The following GAB4 variants were observed in gnomAD, a reference collection of about 807,000 sequenced individuals.
GAB4 encodes GRB2 associated binding protein family member 4, also known as GRB2-associated-binding protein 4.
A neutral mutation model predicts 51.3 loss-of-function variants in GAB4; 26 were observed. The observed-to-expected ratio is 0.51, with a 90% CI of 0.37 to 0.70. GAB4 has a LOEUF of 0.70. GAB4 is among the 30% of genes least tolerant of loss of function. GAB4 has a pLI of 0.00. For missense variants in GAB4, 759 were observed against 734.6 expected, an observed-to-expected ratio of 1.03 and a Z score of -0.38; for synonymous variants, 329 against 291.2, an observed-to-expected ratio of 1.13 and a Z score of -1.32.
intron 3 of GAB4, among the ~76,000 whole-genome samples, chr22:16,981,766 T>G (rs2060829182): frequency 1.3e-5 from 2 of 152,086 alleles, no homozygotes; most frequent in South Asian, 2.1e-4. Context: ...ACTCATCCTA[T>G]GAAGCACTAT....
At chr22:17,004,119 C>T (rs1244212288) in intron 1 of GAB4, among the ~76,000 whole-genome samples, 1 of 152,086 alleles carries the variant, frequency 6.6e-6, no homozygotes, top group East Asian at 1.9e-4. Flanking sequence ...CAAGACTAAA[C>T]CAGGAAGAAG....
At chr22:16,979,331 G>T (rs1283722329) in intron 3 of GAB4, among the ~76,000 whole-genome samples, 1 of 152,194 alleles carries the variant, frequency 6.6e-6, no homozygotes. Context: ...CTTCAGTGAA[G>T]TCTCAGAATA....
chr22:17,004,355 C>A (rs1267332514), intron 1 of GAB4, among the ~76,000 whole-genome samples: 1 of 152,070 alleles, frequency 6.6e-6, no homozygotes, highest in Non-Finnish European at 1.5e-5. Context: ...TGATACAAAA[C>A]CCTAGCAGAG....
At chr22:16,980,106 A>C (rs2060814890) in intron 3 of GAB4, among the ~76,000 whole-genome samples, 1 of 152,174 alleles carries the variant, frequency 6.6e-6, no homozygotes, top group Non-Finnish European at 1.5e-5. Flanking sequence ...ATGGGCAAAG[A>C]CTTCATGAAT....
intron 3 of GAB4, among the ~76,000 whole-genome samples, chr22:16,977,842 G>C (rs1189795176): frequency 6.6e-6 from 1 of 152,214 alleles, no homozygotes; most frequent in African/African-American, 2.4e-5. Flanking sequence ...TCAGACCACA[G>C]TGCAATCAAA....
In GAB4 at chr22:16,962,771, G is replaced by A. The variant is rs1404705985; in HGVS notation, c.1687C>T (p.Arg563Trp). The part of the protein sequence containing the change: ...QKTMHEQMCL[R>W]QSSEPPRGAK... The stretch of plus-strand genomic sequence containing the variant: ...CCCCTGGGAGGCTCTGAGGACTGCC[G>A]CAGGCACATCTGTTCATGCATGGTC... The change falls in exon 10 of 10, where the codon CGG (arginine) becomes TGG (tryptophan). Residue 563 changes from arginine (R) to tryptophan (W), a missense_variant. Arg to Trp is a moderately radical substitution (Grantham distance 101, BLOSUM62 -3). Transcript: ENST00000400588. 4 of 1,613,156 alleles carry A rather than the reference G, an allele frequency of 2.5e-6. No homozygotes were observed. The highest frequency in any genetic ancestry group is 1.7e-4 in the Middle Eastern group (1 of 6,042).
chr22:17,005,739 G>A (rs2041608500), intron 1 of GAB4, among the ~76,000 whole-genome samples: 1 of 152,172 alleles, frequency 6.6e-6, no homozygotes, highest in African/African-American at 2.4e-5. Context: ...ACAAAAACTA[G>A]CAATGGGGAA....
chr22:16,992,396 GCATTTCCA>G (rs899249646), intron 1 of GAB4, among the ~76,000 whole-genome samples: 1 of 152,124 alleles, frequency 6.6e-6, no homozygotes, highest in Non-Finnish European at 1.5e-5. Flanking sequence ...AATAAGATGT[GCATTTCCA>G]CACTTTAGAG....
intron 1 of GAB4, among the ~76,000 whole-genome samples, chr22:17,004,436 A>G (rs2061023034): frequency 6.6e-6 from 1 of 152,244 alleles, no homozygotes; most frequent in Non-Finnish European, 1.5e-5. Context: ...TCAATAAAAT[A>G]CTGGCAAACC....
intron 1 of GAB4, among the ~76,000 whole-genome samples, chr22:16,999,081 G>C (rs559888937): frequency 2.0e-5 from 3 of 152,192 alleles, no homozygotes; most frequent in African/African-American, 7.2e-5. Context: ...TGTTCATCAG[G>C]GATATTGGTC....
chr22:16,973,002 G>A (rs2060745302), intron 3 of GAB4, among the ~76,000 whole-genome samples: 1 of 152,148 alleles, frequency 6.6e-6, no homozygotes, highest in African/African-American at 2.4e-5. Flanking sequence ...TCCTCTCAGT[G>A]ACACTTCTGG....
At chr22:16,998,754 C>T (rs36131747) in intron 1 of GAB4, among the ~76,000 whole-genome samples, 1 of 152,128 alleles carries the variant, frequency 6.6e-6, no homozygotes, top group South Asian at 2.1e-4. Context: ...CCAGTTTTTG[C>T]CCATTCAGTA....
intron 1 of GAB4, among the ~76,000 whole-genome samples, chr22:16,998,630 C>A (rs1020103133): frequency 2.0e-5 from 3 of 152,120 alleles, no homozygotes; most frequent in African/African-American, 7.2e-5. Context: ...AATTGAATAC[C>A]CTTTATTTCT....
chr22:17,002,581 A>G (rs1457587196), intron 1 of GAB4, among the ~76,000 whole-genome samples: 1 of 152,148 alleles, frequency 6.6e-6, no homozygotes, highest in African/African-American at 2.4e-5. Context: ...AAATTCACAC[A>G]TAACAATATT....
chr22:16,972,224 C>T (rs573212911), intron 3 of GAB4, among the ~76,000 whole-genome samples: 2 of 152,328 alleles, frequency 1.3e-5, no homozygotes, highest in South Asian at 4.1e-4. Context: ...CACGAACACA[C>T]ACCACCACAA....
chr22:16,965,421 C>T (rs1304454180), intron 6 of GAB4, among the ~76,000 whole-genome samples, 153 bp from the exon 7 acceptor site: 1 of 152,186 alleles, frequency 6.6e-6, no homozygotes, highest in Non-Finnish European at 1.5e-5. Context: ...AAGGCTCTAT[C>T]GGCTGGGTCA....
rs2060884504 is a variant in GAB4 at position 16,988,150 on chromosome 22, A to T, written c.496T>A (p.Ser166Thr). 2 of 1,613,176 alleles carry T rather than the reference A, an allele frequency of 1.2e-6. No homozygotes were observed. The highest frequency in any genetic ancestry group is 8.5e-7 in the Non-Finnish European group (1 of 1,179,472). The change falls in exon 3 of 10, where the codon TCC (serine) becomes ACC (threonine). Residue 166 changes from serine (S) to threonine (T), a missense_variant. This residue lies in a region of GAB4 where 88 missense variants were observed against 151.3 expected (regional missense o/e 0.58). Coordinates refer to ENST00000400588, the MANE Select transcript of GAB4 (RefSeq NM_001037814.1). ...EESTGFLGNI[S>T]SASHGLCSSP... ...GAGCAGAGGCCGTGACTGGCTGAGG[A>T]AATGTTTCCCAGGAAGCCTGTGAAT...
chr22:16,980,389 CCCACAAA>C (rs1335682679), intron 3 of GAB4, among the ~76,000 whole-genome samples: 2 of 152,064 alleles, frequency 1.3e-5, no homozygotes, highest in East Asian at 3.9e-4. Flanking sequence ...ATTTATGCAG[CCCACAAA>C]CATGAAAAAA....
rs145356046 is a variant in GAB4 at position 17,005,757 on chromosome 22, C to A, written c.174+2184G>T. Among the ~76,000 whole-genome samples, 609 of 152,274 alleles carry A rather than the reference C, an allele frequency of 4.0e-3. 1 individual carries two copies. The highest frequency in any genetic ancestry group is 0.024 in the Middle Eastern group (7 of 294). The stretch of plus-strand genomic sequence containing the variant: ...AAAACTAGCAATGGGGAAAGGATTC[C>A]CTATTTAATAAATGGTGTTGGGAAA... On this transcript the variant is annotated intron_variant, in intron 1 of 9. Coordinates refer to ENST00000400588, the MANE Select transcript of GAB4 (RefSeq NM_001037814.1).
Sources: allele counts gnomAD v4.1 joint callset (sites outside exome capture counted in the v4.1 genomes callset), GRCh38; gene constraint gnomAD v4.1.1; regional missense constraint gnomAD v4.1.1; transcripts MANE v1.5; gene names NCBI Gene and HGNC (gene_info 2026-07-23, HGNC 2026-07-21).